Variants in ACTN4 observed in about 807,000 individuals in gnomAD.
The protein encoded by ACTN4 is alpha-actinin-4.
In ACTN4, 18 loss-of-function variants were observed where a neutral mutation model predicts 114.2. The ratio of observed to expected loss-of-function variants is 0.16; its 90% CI spans 0.11 to 0.23. The LOEUF (loss-of-function observed/expected upper bound fraction) is 0.23, where lower values mean the gene tolerates loss of function less well. Among genes scored for constraint, ACTN4 ranks in the 10% least tolerant of loss-of-function variants. The pLI, the probability that ACTN4 is intolerant of heterozygous loss-of-function variation, is 1.00. For synonymous variants in ACTN4, 515 were observed against 506.3 expected (o/e 1.02, Z -0.23); for missense variants, 722 against 1,262.9 (o/e 0.57, Z 6.49).
intron 19 of ACTN4, among the ~76,000 whole-genome samples, 159 bp from the exon 20 acceptor site, chr19:38,728,837 G>A (rs1414743190): frequency 6.6e-6 from 1 of 152,170 alleles, no homozygotes; most frequent in African/African-American, 2.4e-5. Flanking sequence ...GGCTCTGCCC[G>A]GGGCCAAGGC....
At chr19:38,725,609 C>G in intron 16 of ACTN4, 115 bp from the exon 17 acceptor site, 1 of 1,253,522 alleles carries the variant, frequency 8.0e-7, no homozygotes, top group Non-Finnish European at 1.1e-6. Context: ...GCCAAGGCCC[C>G]AGGCCAAAGG....
At chr19:38,684,147 T>C (rs1167122336) in intron 1 of ACTN4, 11 of 152,232 alleles carry the variant, frequency 7.2e-5, no homozygotes, top group Admixed American at 7.2e-4. Flanking sequence ...GCCTTATCTG[T>C]AAAATTAGAG....
intron 3 of ACTN4, 113 bp downstream of exon 3, chr19:38,701,234 A>G (rs1968265382): frequency 6.6e-7 from 1 of 1,523,638 alleles, no homozygotes; most frequent in Non-Finnish European, 8.9e-7. Context: ...CGCTTGGGGC[A>G]CTCAGAGCCC....
At chr19:38,672,943 CTTTTTTTTTTTT>C (rs35501640) in intron 1 of ACTN4, among the ~76,000 whole-genome samples, 16 of 122,916 alleles carry the variant, frequency 1.3e-4, no homozygotes, top group African/African-American at 3.0e-5. Flanking sequence ...GCCATCCATT[CTTTTTTTTTTTT>C]TTTTTTGGAG....
chr19:38,677,561 AC>A (rs1194642991), intron 1 of ACTN4, among the ~76,000 whole-genome samples: 3 of 151,396 alleles, frequency 2.0e-5, no homozygotes, highest in Non-Finnish European at 4.4e-5. Flanking sequence ...GGGTATCATG[AC>A]CGCCCAGGCC....
At chr19:38,683,348 C>G (rs530402530) in intron 1 of ACTN4, among the ~76,000 whole-genome samples, 11 of 152,208 alleles carry the variant, frequency 7.2e-5, no homozygotes, top group Non-Finnish European at 1.6e-4. Flanking sequence ...TCTCGCCCCC[C>G]GCCCTCCTCC....
intron 1 of ACTN4, among the ~76,000 whole-genome samples, chr19:38,692,944 A>G (rs35716073): frequency 0.057 from 8,610 of 152,128 alleles, 259 homozygotes; most frequent in South Asian, 0.095. Flanking sequence ...TTCAGAGCCA[A>G]GGTTTGAAAA....
intron 4 of ACTN4, among the ~76,000 whole-genome samples, chr19:38,705,308 A>G (rs1458903296): frequency 6.6e-6 from 1 of 152,174 alleles, no homozygotes; most frequent in Non-Finnish European, 1.5e-5. Flanking sequence ...CCCGTTTTAC[A>G]GTCCAGGAAC....
At position 38,725,877 on chromosome 19, in the gene ACTN4, A is replaced by G; in HGVS notation, c.2164A>G (p.Asn722Asp). The G allele has an allele frequency of 6.2e-7, 1 of 1,614,142 alleles. No individual in the cohort carries two copies. The highest frequency in any genetic ancestry group is 8.5e-7 in the Non-Finnish European group (1 of 1,180,044). ...QLIQEALIFD[N>D]KHTNYTMEHI... The stretch of plus-strand genomic sequence containing the variant: ...CATCCAGGAGGCCCTCATCTTCGAC[A>G]ACAAGCACACCAACTATACCATGGA... Residue 722 changes from asparagine (N) to aspartate (D), a missense_variant, in exon 17 of 21, where the codon AAC (asparagine) becomes GAC (aspartate). Physicochemically the swap from Asn to Asp is conservative, Grantham distance 23. This residue lies in a region of ACTN4 where 523 missense variants were observed against 875.9 expected (regional missense o/e 0.60). Transcript: ENST00000252699.
At chr19:38,676,855 C>T (rs1345350555) in intron 1 of ACTN4, among the ~76,000 whole-genome samples, 1 of 152,158 alleles carries the variant, frequency 6.6e-6, no homozygotes, top group Non-Finnish European at 1.5e-5. Context: ...GCGGGTTTCC[C>T]TGCATCCCCC....
chr19:38,728,743 C>T (rs181821863), intron 19 of ACTN4, among the ~76,000 whole-genome samples: 24 of 152,346 alleles, frequency 1.6e-4, no homozygotes, highest in Admixed American at 1.3e-3. Flanking sequence ...TGGGAGACCA[C>T]GAGAGGGGAG....
At chr19:38,662,144 G>T (rs1283991707) in intron 1 of ACTN4, among the ~76,000 whole-genome samples, 1 of 152,186 alleles carries the variant, frequency 6.6e-6, no homozygotes, top group Non-Finnish European at 1.5e-5. Flanking sequence ...CTGGAAACCA[G>T]TCCAGGAATA....
At chr19:38,673,478 T>TATATATTC (rs1188898918) in intron 1 of ACTN4, among the ~76,000 whole-genome samples, 5 of 60,724 alleles carry the variant, frequency 8.2e-5, no homozygotes, top group Non-Finnish European at 1.7e-4. Flanking sequence ...TATATATTTA[T>TATATATTC]ATATATATTC....
At chr19:38,700,466 T>A in intron 1 of ACTN4, 134 bp from the exon 2 acceptor site, 1 of 752,390 alleles carries the variant, frequency 1.3e-6, no homozygotes, top group South Asian at 1.4e-5. Flanking sequence ...ATCGGCCATG[T>A]ACGGTGTGTG....
chr19:38,728,887 G>A (rs1969364404), intron 19 of ACTN4, 109 bp from the exon 20 acceptor site: 3 of 1,415,570 alleles, frequency 2.1e-6, no homozygotes, highest in Non-Finnish European at 3.0e-6. Flanking sequence ...GCACACGTGG[G>A]TTGGGCCCTA....
At chr19:38,666,222 G>A (rs937659377) in intron 1 of ACTN4, among the ~76,000 whole-genome samples, 1 of 127,594 alleles carries the variant, frequency 7.8e-6, no homozygotes, top group East Asian at 2.2e-4. Context: ...CTTCGCCCCT[G>A]TCCCCCCCAA....
Position 38,717,230 on chromosome 19 carries a change from C to G in ACTN4, c.1057C>G (p.Leu353Val). The G allele has an allele frequency of 6.2e-7, 1 of 1,614,178 alleles. No individual in the cohort carries two copies. Among genetic ancestry groups the G allele is most frequent in the South Asian group, 1.1e-5 (1 of 91,084 alleles). The change falls in exon 10 of 21, where the codon CTG becomes GTG. Residue 353 changes from leucine (L) to valine (V), a missense_variant. This residue lies in a region of ACTN4 where 523 missense variants were observed against 875.9 expected (regional missense o/e 0.60). Transcript: ENST00000252699. The surrounding 1 kb of genome is among the most constrained non-coding windows in gnomAD (Gnocchi z 4.0). ...KPPKVQEKCQ[L>V]EINFNTLQTK... ...GCCCAAGGTGCAGGAGAAGTGCCAG[C>G]TGGAGATCAACTTCAACACGCTGCA...
chr19:38,708,048 C>T, intron 5 of ACTN4, 69 bp from the exon 6 acceptor site: 2 of 1,486,222 alleles, frequency 1.3e-6, no homozygotes, highest in South Asian at 1.1e-5. Context: ...GCTGTGGGTG[C>T]ACAGGGCCAT....
At chr19:38,710,704 T>C (rs963147746) in intron 8 of ACTN4, 2 of 368,438 alleles carry the variant, frequency 5.4e-6, no homozygotes, top group Admixed American at 3.8e-5. Flanking sequence ...GACCTTCAGC[T>C]GGTGCTGTCA....
Sources: gnomAD v4.1 joint callset for allele counts (sites outside exome capture counted in the v4.1 genomes callset) on GRCh38, gnomAD v4.1.1 for gene constraint, gnomAD v4.1.1 regional missense constraint, Gnocchi (gnomAD v3.1) non-coding constraint, MANE v1.5 for transcripts, NCBI Gene and HGNC (gene_info 2026-07-23, HGNC 2026-07-21) for gene names.